The following JPH3 variants were observed in gnomAD, a reference collection of about 807,000 sequenced individuals.
JPH3 encodes the protein junctophilin 3.
JPH3 carries 11 observed loss-of-function variants against 59.6 expected under a neutral mutation model. The observed-to-expected ratio is 0.18, with a 90% confidence interval of 0.12 to 0.31. The LOEUF is 0.31. JPH3 is among the 10% of genes least tolerant of loss of function. The pLI is 1.00. For synonymous variants in JPH3, 673 were observed against 483.6 expected (o/e 1.39, Z -5.14); for missense variants, 1,202 against 1,105.7 (o/e 1.09, Z -1.24).
At chr16:87,695,624 A>G (rs770942861) in intron 4 of JPH3, 1 of 455,954 alleles carries the variant, frequency 2.2e-6, no homozygotes, top group South Asian at 1.5e-5. Context: ...GGCTGGGGCC[A>G]CCGTCCAGGA....
chr16:87,609,060 G>C (rs1307610152), intron 1 of JPH3, among the ~76,000 whole-genome samples: 1 of 152,158 alleles, frequency 6.6e-6, no homozygotes, highest in Non-Finnish European at 1.5e-5. Context: ...AAGTGTGCCT[G>C]GTCCTACTCA....
rs574095500 is a variant in JPH3, at chr16:87,660,067, AC to A, written c.1160+15035del. Among the ~76,000 whole-genome samples the A allele has an allele frequency of 7.2e-5, 11 of 152,050 alleles. No homozygotes were observed. In the East Asian group the frequency reaches 2.1e-3, roughly 30 times the overall value. ...CAAGCCCCAGCCCTGCCACCTGGAA[AC>A]CCTGGGAAAGCAGCGTCACCTCCCT... On this transcript the variant is annotated intron_variant, in intron 2 of 4. Transcript: ENST00000284262.
At chr16:87,682,885 C>A (rs565799335) in intron 2 of JPH3, among the ~76,000 whole-genome samples, 1 of 152,380 alleles carries the variant, frequency 6.6e-6, no homozygotes, top group African/African-American at 2.4e-5. Flanking sequence ...AAGCCCCAGG[C>A]TGCTGAGATG....
At chr16:87,696,535 GC>G in intron 4 of JPH3, 44 bp from the exon 5 acceptor site, 3 of 1,539,992 alleles carry the variant, frequency 1.9e-6, no homozygotes, top group Admixed American at 1.7e-5. Context: ...CCCAGGCAGA[GC>G]CCCCCGCAGC....
chr16:87,688,753 T>G (rs2033480363), intron 3 of JPH3, among the ~76,000 whole-genome samples: 1 of 152,052 alleles, frequency 6.6e-6, no homozygotes, highest in Admixed American at 6.6e-5. Flanking sequence ...GGACGCTACT[T>G]GAGATGAACG....
At chr16:87,675,824 A>T (rs6540068) in intron 2 of JPH3, among the ~76,000 whole-genome samples, 76,557 of 152,052 alleles carry the variant, frequency 0.5, 19,440 homozygotes, top group Middle Eastern at 0.6. Context: ...GAGGACCACT[A>T]TTCCTCACCT....
chr16:87,640,518 G>C lies in JPH3; in HGVS notation c.383-3740G>C, dbSNP rs146240645. On this transcript the variant is annotated intron_variant, in intron 1 of 4. Coordinates refer to ENST00000284262, the MANE Select transcript of JPH3 (RefSeq NM_020655.4). ...TGATCCTCCTGCCTCAGCCTCTTGA[G>C]TACCTGGGATTACAGGCACCCATCA... Among the ~76,000 whole-genome samples the C allele has an allele frequency of 5.2e-3, 793 of 151,908 alleles. 10 individuals carry two copies. The highest frequency in any genetic ancestry group is 0.018 in the African/African-American group (757 of 41,462).
chr16:87,681,380 C>A (rs1427715431), intron 2 of JPH3, among the ~76,000 whole-genome samples: 1 of 136,784 alleles, frequency 7.3e-6, no homozygotes, highest in African/African-American at 2.8e-5. Context: ...GGTGACAGTT[C>A]CGGGAGGTCA....
At position 87,685,286 on chromosome 16, in the gene JPH3, G is replaced by A. The variant is rs192082514; in HGVS notation, c.1285+1020G>A. ...GCTGCAGCCTGGAGGTCAGGAGGAC[G>A]AGCCCCCGCACCCCCACCGCCTTGG... On this transcript the variant is annotated intron_variant, in intron 3 of 4. Transcript: ENST00000284262. 4.8e-3 allele frequency among the ~76,000 whole-genome samples: 725 copies of A among 152,318 alleles called. 6 individuals are homozygous for A. The highest frequency in any genetic ancestry group is 0.017 in the African/African-American group (688 of 41,570).
chr16:87,645,092 C>A, intron 2 of JPH3, 57 bp downstream of exon 2: 2 of 1,526,516 alleles, frequency 1.3e-6, no homozygotes, highest in East Asian at 2.3e-5. Context: ...GTTTGTGAGC[C>A]CAGTCTGTTC....
At chr16:87,671,188 C>T (rs1197941881) in intron 2 of JPH3, among the ~76,000 whole-genome samples, 2 of 152,184 alleles carry the variant, frequency 1.3e-5, no homozygotes, top group African/African-American at 4.8e-5. Context: ...AGCTTCAGCC[C>T]ATGCACAGAC....
At chr16:87,637,831 C>G (rs545622007) in intron 1 of JPH3, among the ~76,000 whole-genome samples, 1 of 152,238 alleles carries the variant, frequency 6.6e-6, no homozygotes, top group East Asian at 1.9e-4. Context: ...ATGCCGAGCT[C>G]CAGTTGGGGG....
chr16:87,644,186 A>G, intron 1 of JPH3, 72 bp from the exon 2 acceptor site: 4 of 1,479,028 alleles, frequency 2.7e-6, no homozygotes, highest in South Asian at 1.3e-5. Flanking sequence ...GGCTGCTTCA[A>G]CCCTGTCCGT....
At chr16:87,635,929 G>C (rs863752) in intron 1 of JPH3, among the ~76,000 whole-genome samples, 97,870 of 152,130 alleles carry the variant, frequency 0.64, 32,741 homozygotes, top group Admixed American at 0.76. Flanking sequence ...GGCACCCTGC[G>C]AACCCACCTT....
At position 87,644,337 on chromosome 16, in the gene JPH3, G is replaced by C. The variant is rs369637308; in HGVS notation, c.462G>C (p.Ala154=). Residue 154 remains alanine, a synonymous_variant, in exon 2 of 5, where the codon GCG becomes GCC. Transcript: ENST00000284262. The part of the protein sequence containing the change: ...VRQSVPYGMA[A]VIRSPLRTSI... The stretch of plus-strand genomic sequence containing the variant: ...AGAGCGTCCCGTATGGCATGGCCGC[G>C]GTCATCCGCTCACCCCTGAGGACGT... 2 of 1,612,980 alleles carry C rather than the reference G, an allele frequency of 1.2e-6. No homozygotes were observed. Among genetic ancestry groups the C allele is most frequent in the South Asian group, 1.1e-5 (1 of 91,070 alleles).
intron 1 of JPH3, among the ~76,000 whole-genome samples, chr16:87,621,283 C>T (rs557176703): frequency 1.3e-5 from 2 of 152,360 alleles, no homozygotes; most frequent in Non-Finnish European, 1.5e-5. Flanking sequence ...TGCTCTGTGT[C>T]GGGAGGGGCT....
At chr16:87,676,197 G>T (rs1024155115) in intron 2 of JPH3, among the ~76,000 whole-genome samples, 1 of 152,186 alleles carries the variant, frequency 6.6e-6, no homozygotes, top group East Asian at 1.9e-4. Context: ...GTTTACCTTT[G>T]TATCAGCCGT....
In JPH3 at chr16:87,609,837, C is replaced by T. The variant is rs368705063; in HGVS notation, c.382+6309C>T. Among the ~76,000 whole-genome samples, 6 of 152,276 alleles carry T rather than the reference C, an allele frequency of 3.9e-5. No individual in the cohort carries two copies. In the East Asian group the frequency reaches 5.8e-4, roughly 15 times the overall value. Reference sequence around the variant, plus strand: ...GTTTCATGGAAGACAATTTTTCTACCGCCCAGGGTTGAGGGATGGTTTTGG... The same window carrying T: ...GTTTCATGGAAGACAATTTTTCTACTGCCCAGGGTTGAGGGATGGTTTTGG... On this transcript the variant is annotated intron_variant, in intron 1 of 4. Coordinates refer to ENST00000284262, the MANE Select transcript of JPH3 (RefSeq NM_020655.4).
chr16:87,604,063 A>C (rs2030383194), intron 1 of JPH3: 2 of 985,232 alleles, frequency 2.0e-6, no homozygotes, highest in Non-Finnish European at 2.4e-6. Flanking sequence ...AACCCGAACC[A>C]AAACAGCCAG....
Sources: allele counts gnomAD v4.1 joint callset (sites outside exome capture counted in the v4.1 genomes callset), GRCh38; gene constraint gnomAD v4.1.1; transcripts MANE v1.5; gene names NCBI Gene and HGNC (gene_info 2026-07-23, HGNC 2026-07-21).